The following AEBP2 variants were observed in gnomAD, a reference collection of about 807,000 sequenced individuals.
AEBP2 encodes the protein zinc finger protein AEBP2.
In AEBP2, 10 loss-of-function variants were observed where a neutral mutation model predicts 50.8. The ratio of observed to expected loss-of-function variants is 0.20; its 90% CI spans 0.12 to 0.33. The LOEUF (loss-of-function observed/expected upper bound fraction) is 0.33. AEBP2 is among the 10% of genes least tolerant of loss of function. AEBP2 has a pLI of 1.00. For synonymous variants in AEBP2, 296 were observed against 261.3 expected, an observed-to-expected ratio of 1.13 and a Z score of -1.28; for missense variants, 570 against 688.0, an observed-to-expected ratio of 0.83 and a Z score of 1.92.
chr12:19,420,498 T>G (rs2095745095), intron 1 of AEBP2, among the ~76,000 whole-genome samples: 1 of 151,666 alleles, frequency 6.6e-6, no homozygotes, highest in African/African-American at 2.4e-5. Context: ...CATGCCTTGC[T>G]AATTTTTCTA....
chr12:19,440,382 G>C lies in AEBP2; in HGVS notation c.671+12G>C. ...GACTCGGAGGACAGGTCAGTGCTCT[G>C]AAGCGTTTCCCCTTCCCTTCCTCCT... On this transcript the variant is annotated intron_variant, in intron 1 of 7. Transcript: ENST00000266508. 6.8e-7 allele frequency: 1 copy of C among 1,474,180 alleles called. No individual in the cohort carries two copies. Among genetic ancestry groups the C allele is most frequent in the South Asian group, 1.4e-5 (1 of 69,692 alleles). The allele number at this position is 1,474,180 out of a possible 1,614,324, so 91.3% of individuals were successfully genotyped here. A position where few individuals can be genotyped will look rare whatever the true frequency, so the allele number is the denominator to read the frequency against.
At chr12:19,413,005 C>A in intron 1 of AEBP2, 1 of 391,506 alleles carries the variant, frequency 2.6e-6, no homozygotes, top group South Asian at 2.4e-5. Context: ...CCTGCCCCGG[C>A]GTTGGGGTGT....
At chr12:19,407,275 C>G (rs1005768929) in intron 1 of AEBP2, among the ~76,000 whole-genome samples, 1 of 152,010 alleles carries the variant, frequency 6.6e-6, no homozygotes, top group South Asian at 2.1e-4. Context: ...CACTTCAGCT[C>G]GGGTGACACA....
At chr12:19,459,442 A>G (rs372584569) in intron 1 of AEBP2, among the ~76,000 whole-genome samples, 40 of 152,256 alleles carry the variant, frequency 2.6e-4, no homozygotes, top group African/African-American at 9.6e-4. Flanking sequence ...TGTGTTAGCC[A>G]GGCTGGTCTC....
intron 4 of AEBP2, among the ~76,000 whole-genome samples, chr12:19,496,729 A>G (rs528065193): frequency 6.7e-6 from 1 of 148,842 alleles, no homozygotes; most frequent in South Asian, 2.1e-4. Flanking sequence ...TGGTGCAATC[A>G]TGACTCACTG....
intron 1 of AEBP2, among the ~76,000 whole-genome samples, chr12:19,429,246 T>C (rs970939338): frequency 1.3e-5 from 2 of 152,134 alleles, no homozygotes; most frequent in Non-Finnish European, 2.9e-5. Flanking sequence ...TTTGTCCTAG[T>C]GATAGTTTGC....
At chr12:19,508,948 A>G (rs1949193643) in intron 5 of AEBP2, 3 of 455,220 alleles carry the variant, frequency 6.6e-6, no homozygotes, top group Non-Finnish European at 1.3e-5. Context: ...TCTACAATAC[A>G]GCCTCTAACA....
At chr12:19,423,116 GT>G (rs978942745) in intron 1 of AEBP2, among the ~76,000 whole-genome samples, 1 of 124,190 alleles carries the variant, frequency 8.1e-6, no homozygotes, top group Non-Finnish European at 1.6e-5. Context: ...CAGAGTATAA[GT>G]TTCATGAGAG....
intron 1 of AEBP2, chr12:19,456,824 A>G: frequency 6.5e-7 from 1 of 1,546,802 alleles, no homozygotes; most frequent in Non-Finnish European, 8.9e-7. Context: ...GTTTGAGAAC[A>G]CCAGTCTCCA....
intron 1 of AEBP2, among the ~76,000 whole-genome samples, chr12:19,446,997 G>A (rs972110749): frequency 1.9e-4 from 29 of 152,168 alleles, no homozygotes; most frequent in Admixed American, 6.5e-5. Flanking sequence ...AAGATTTTGT[G>A]TGGGAAGGGG....
At chr12:19,487,062 T>A (rs539774570) in intron 3 of AEBP2, among the ~76,000 whole-genome samples, 16 of 152,270 alleles carry the variant, frequency 1.1e-4, no homozygotes, top group South Asian at 2.1e-4. Context: ...GGTATCTGAA[T>A]ATTCTATTTT....
chr12:19,484,531 C>T (rs957662197), intron 3 of AEBP2, among the ~76,000 whole-genome samples: 34 of 151,800 alleles, frequency 2.2e-4, no homozygotes, highest in African/African-American at 7.5e-4. Context: ...CCCACCACCA[C>T]GCCCAGCTAA....
At chr12:19,478,707 T>C (rs1948686386) in intron 3 of AEBP2, among the ~76,000 whole-genome samples, 1 of 152,224 alleles carries the variant, frequency 6.6e-6, no homozygotes, top group Admixed American at 6.5e-5. Flanking sequence ...AATTTCCACC[T>C]TGATTTCATT....
chr12:19,446,103 G>A (rs905026015), intron 1 of AEBP2: 1 of 152,070 alleles, frequency 6.6e-6, no homozygotes, highest in African/African-American at 2.4e-5. Context: ...TTCTAGTAAT[G>A]GCAGTGGTCT....
At chr12:19,475,322 T>G (rs1189175236) in intron 3 of AEBP2, among the ~76,000 whole-genome samples, 1 of 151,544 alleles carries the variant, frequency 6.6e-6, no homozygotes, top group East Asian at 1.9e-4. Flanking sequence ...CAAAACGATA[T>G]TTGATTTTCC....
intron 2 of AEBP2, among the ~76,000 whole-genome samples, chr12:19,465,109 G>A (rs1208185960): frequency 6.6e-6 from 1 of 151,914 alleles, no homozygotes; most frequent in Non-Finnish European, 1.5e-5. Context: ...GAGTGATGCT[G>A]TTTGGCCGGG....
At position 19,483,610 on chromosome 12, in the gene AEBP2, C is replaced by T. The variant is rs554666041; in HGVS notation, c.988-10190C>T. 5.9e-5 allele frequency among the ~76,000 whole-genome samples: 9 copies of T among 152,290 alleles called. No homozygotes were observed. The South Asian group carries it at 1.7e-3, about 28-fold the overall frequency. On this transcript the variant is annotated intron_variant, in intron 3 of 7. Transcript: ENST00000266508. ...TGCATGTTAGCCCTTTCTCCTATCT[C>T]CATCTTCCTCCTCCCGATTGTACCT... is the stretch of plus-strand genomic sequence containing the variant.
At chr12:19,490,033 G>GA (rs1948874685) in intron 3 of AEBP2, among the ~76,000 whole-genome samples, 1 of 119,432 alleles carries the variant, frequency 8.4e-6, no homozygotes, top group South Asian at 2.8e-4. Context: ...GGAGGTTAGA[G>GA]ATGGAGTCTC....
chr12:19,484,512 C>T (rs1466255800), intron 3 of AEBP2, among the ~76,000 whole-genome samples: 4 of 151,450 alleles, frequency 2.6e-5, no homozygotes, highest in Admixed American at 2.6e-4. Context: ...GTAGCTGGGA[C>T]TACAGGTACC....
Sources: gnomAD v4.1 joint callset for allele counts (sites outside exome capture counted in the v4.1 genomes callset) on GRCh38, gnomAD v4.1.1 for gene constraint, MANE v1.5 for transcripts, NCBI Gene and HGNC (gene_info 2026-07-23, HGNC 2026-07-21) for gene names.